Variants in ANO6 observed in about 807,000 individuals in gnomAD.
The protein encoded by ANO6 is anoctamin-6.
ANO6 carries 106 observed loss-of-function variants against 117.5 expected under a neutral mutation model. That is an observed-to-expected ratio of 0.90 (90% CI 0.77 to 1.06). The LOEUF (loss-of-function observed/expected upper bound fraction) is 1.06. Ranked by LOEUF, ANO6 falls within the 50% of genes least tolerant of loss-of-function variation. The pLI, the probability that ANO6 is intolerant of heterozygous loss-of-function variation, is 0.00. For synonymous variants in ANO6, 367 were observed against 385.1 expected (o/e 0.95, Z 0.55); for missense variants, 955 against 1,121.1 (o/e 0.85, Z 2.12).
intron 1 of ANO6, among the ~76,000 whole-genome samples, chr12:45,258,405 A>AT (rs555702995): frequency 3.8e-4 from 58 of 152,072 alleles, no homozygotes; most frequent in African/African-American, 1.2e-3. Context: ...CCTTTTCTCC[A>AT]TTTTTTTACA....
At chr12:45,282,433 A>C (rs1341561131) in intron 1 of ANO6, among the ~76,000 whole-genome samples, 1 of 152,182 alleles carries the variant, frequency 6.6e-6, no homozygotes, top group African/African-American at 2.4e-5. Context: ...AGGAAATCAG[A>C]GAAATGGAAG....
At chr12:45,412,083 A>G (rs1943101232) in intron 16 of ANO6, among the ~76,000 whole-genome samples, 1 of 152,174 alleles carries the variant, frequency 6.6e-6, no homozygotes, top group South Asian at 2.1e-4. Flanking sequence ...TGAATTTCCC[A>G]CCATCCTTTG....
intron 10 of ANO6, among the ~76,000 whole-genome samples, chr12:45,386,876 T>A (rs927026706): frequency 1.3e-5 from 2 of 152,264 alleles, no homozygotes; most frequent in African/African-American, 4.8e-5. Flanking sequence ...CTGAGGCATC[T>A]CAGGACTCAT....
At chr12:45,220,524 G>A (rs79355706) in intron 1 of ANO6, among the ~76,000 whole-genome samples, 33 of 152,262 alleles carry the variant, frequency 2.2e-4, no homozygotes, top group Non-Finnish European at 4.1e-4. Context: ...CAATCCTTCT[G>A]TGCTAGTTTC....
chr12:45,362,760 A>G (rs990638370), intron 8 of ANO6, among the ~76,000 whole-genome samples: 3 of 152,150 alleles, frequency 2.0e-5, no homozygotes, highest in African/African-American at 7.2e-5. Flanking sequence ...GTTTGAATTA[A>G]TGGCAATTTT....
intron 10 of ANO6, among the ~76,000 whole-genome samples, 196 bp from the exon 11 acceptor site, chr12:45,387,965 T>C (rs1247822719): frequency 6.6e-6 from 1 of 152,208 alleles, no homozygotes; most frequent in Admixed American, 6.5e-5. Flanking sequence ...ATTTTAAGTT[T>C]CCTGAGGCCT....
intron 1 of ANO6, among the ~76,000 whole-genome samples, chr12:45,301,034 C>CACAAATG (rs1326298992): frequency 1.3e-5 from 2 of 152,150 alleles, no homozygotes; most frequent in African/African-American, 4.8e-5. Flanking sequence ...AGCCACTAGT[C>CACAAATG]ACAAATGGCT....
At position 45,430,390 on chromosome 12, in the gene ANO6, G is replaced by C; in HGVS notation, c.*1079G>C. 3 of 985,432 alleles carry C rather than the reference G, an allele frequency of 3.0e-6. No homozygotes were observed. Among genetic ancestry groups the C allele is most frequent in the Non-Finnish European group, 3.6e-6 (3 of 829,966 alleles). 61.0% of individuals were successfully genotyped at this position (985,432 alleles called of 1,614,324 possible). A position where few individuals can be genotyped will look rare whatever the true frequency, so the allele number is the denominator to read the frequency against. ...TCATTGTGGTCATTGGGTGGGGAGT[G>C]CCTTTTGTCAAGGAGTCTGCAGGAA... On this transcript the variant is annotated 3_prime_UTR_variant, in exon 20 of 20. Coordinates refer to ENST00000320560, the MANE Select transcript of ANO6 (RefSeq NM_001025356.3).
chr12:45,337,740 A>C (rs1438158104), intron 3 of ANO6, among the ~76,000 whole-genome samples: 2 of 152,018 alleles, frequency 1.3e-5, no homozygotes, highest in African/African-American at 4.8e-5. Flanking sequence ...AGCTGACTCT[A>C]TTTGATAATA....
intron 3 of ANO6, among the ~76,000 whole-genome samples, chr12:45,332,772 G>A (rs67088840): frequency 0.2 from 31,115 of 151,862 alleles, 3,772 homozygotes; most frequent in South Asian, 0.47. Flanking sequence ...GTAGACTCCC[G>A]GGTCATCCCG....
rs1943638029 is a variant in ANO6, at chr12:45,431,743, T to C, written c.*2432T>C. The C allele has an allele frequency of 6.1e-6, 6 of 985,484 alleles. No individual in the cohort carries two copies. The highest frequency in any genetic ancestry group is 7.2e-6 in the Non-Finnish European group (6 of 829,976). The allele number at this position is 985,484 out of a possible 1,614,324, so 61.0% of individuals were successfully genotyped here. A position where few individuals can be genotyped will look rare whatever the true frequency, so the allele number is the denominator to read the frequency against. On this transcript the variant is annotated 3_prime_UTR_variant, in exon 20 of 20. Transcript: ENST00000320560. ...AATGGTGGCTGCATCTGTAAGTGGC[T>C]TCAGAGGCAGCAGCCCTGGGGAAAT...
chr12:45,234,152 A>C (rs977875771), intron 1 of ANO6, among the ~76,000 whole-genome samples: 7 of 152,324 alleles, frequency 4.6e-5, no homozygotes, highest in Admixed American at 3.9e-4. Flanking sequence ...GAAATTAGCA[A>C]ATGTGTTCTT....
At chr12:45,269,507 A>G (rs942472261) in intron 1 of ANO6, among the ~76,000 whole-genome samples, 1 of 152,154 alleles carries the variant, frequency 6.6e-6, no homozygotes, top group African/African-American at 2.4e-5. Flanking sequence ...GGAAAAACAT[A>G]ATTTAGCAAC....
chr12:45,365,109 G>A (rs575606625), intron 8 of ANO6, among the ~76,000 whole-genome samples: 8 of 152,262 alleles, frequency 5.3e-5, no homozygotes, highest in Middle Eastern at 3.4e-3. Flanking sequence ...AGTAATTTTC[G>A]TTTCTCTGCC....
intron 1 of ANO6, among the ~76,000 whole-genome samples, chr12:45,259,560 CTGGAGCCACGGAGGGCCTGGT>C (rs1262748399): frequency 1.3e-5 from 2 of 152,342 alleles, no homozygotes; most frequent in East Asian, 3.9e-4. Flanking sequence ...TACTCACCTG[CTGGAGCCACGGAGGGCCTGGT>C]TGCAGTGGGT....
intron 1 of ANO6, among the ~76,000 whole-genome samples, chr12:45,257,774 G>T (rs542834566): frequency 5.8e-4 from 88 of 152,212 alleles, no homozygotes; most frequent in African/African-American, 1.8e-3. Flanking sequence ...AAATTTATCT[G>T]TCCAAAGCAT....
At chr12:45,267,074 A>C (rs1043822475) in intron 1 of ANO6, among the ~76,000 whole-genome samples, 2 of 152,106 alleles carry the variant, frequency 1.3e-5, no homozygotes, top group African/African-American at 2.4e-5. Context: ...TTTGAATTGA[A>C]TCATCCATCT....
intron 8 of ANO6, among the ~76,000 whole-genome samples, chr12:45,367,204 A>G (rs899686133): frequency 1.3e-5 from 2 of 151,818 alleles, no homozygotes; most frequent in African/African-American, 4.8e-5. Context: ...CTGGTCTTGA[A>G]CTCATGACCT....
intron 2 of ANO6, among the ~76,000 whole-genome samples, chr12:45,304,727 T>C (rs1373646643): frequency 6.6e-6 from 1 of 152,200 alleles, no homozygotes; most frequent in African/African-American, 2.4e-5. Context: ...GAATTTCTGT[T>C]TTTCTTTCCT....
Sources: allele counts gnomAD v4.1 joint callset (sites outside exome capture counted in the v4.1 genomes callset), GRCh38; gene constraint gnomAD v4.1.1; transcripts MANE v1.5; gene names NCBI Gene and HGNC (gene_info 2026-07-23, HGNC 2026-07-21).